PSPC1: variants seen among roughly 807,000 people sequenced by gnomAD.
PSPC1 encodes the protein paraspeckle protein 1.
PSPC1 carries 14 observed loss-of-function variants against 51.6 expected under a neutral mutation model. That is an observed-to-expected ratio of 0.27 (90% CI 0.18 to 0.42). PSPC1 has a LOEUF of 0.42. Ranked by LOEUF, PSPC1 falls within the 10% of genes least tolerant of loss-of-function variation. The pLI, the probability that PSPC1 is intolerant of heterozygous loss-of-function variation, is 1.00. For missense variants in PSPC1, 406 were observed against 701.1 expected, an observed-to-expected ratio of 0.58 and a Z score of 4.75; for synonymous variants, 193 against 231.9, an observed-to-expected ratio of 0.83 and a Z score of 1.53.
At chr13:19,723,602 G>A (rs1037334518) in intron 6 of PSPC1, among the ~76,000 whole-genome samples, 1 of 152,092 alleles carries the variant, frequency 6.6e-6, no homozygotes, top group Non-Finnish European at 1.5e-5. Context: ...AATCTTTGGA[G>A]GAGTGATCAA....
intron 5 of PSPC1, among the ~76,000 whole-genome samples, chr13:19,732,351 T>C (rs1195815394): frequency 1.3e-5 from 2 of 152,124 alleles, no homozygotes; most frequent in Non-Finnish European, 2.9e-5. Flanking sequence ...GAAGATCCAA[T>C]AAAGGTCAAA....
At chr13:19,725,619 AAAAC>A (rs1883285064) in intron 6 of PSPC1, among the ~76,000 whole-genome samples, 1 of 149,610 alleles carries the variant, frequency 6.7e-6, no homozygotes, top group Non-Finnish European at 1.5e-5. Flanking sequence ...AAAACAAAAC[AAAAC>A]AAACAAAAAA....
At chr13:19,709,949 G>A (rs535314668) in intron 6 of PSPC1, among the ~76,000 whole-genome samples, 1 of 151,958 alleles carries the variant, frequency 6.6e-6, no homozygotes, top group South Asian at 2.1e-4. Flanking sequence ...AACCACCAGA[G>A]CCAATTATTT....
intron 7 of PSPC1, among the ~76,000 whole-genome samples, chr13:19,708,547 A>C (rs1268511776): frequency 6.6e-6 from 1 of 152,178 alleles, no homozygotes; most frequent in Non-Finnish European, 1.5e-5. Context: ...TTTACTTGGC[A>C]TTATTTCCCT....
At chr13:19,706,036 TAA>T (rs1239794106) in intron 7 of PSPC1, among the ~76,000 whole-genome samples, 3 of 152,172 alleles carry the variant, frequency 2.0e-5, no homozygotes, top group Non-Finnish European at 4.4e-5. Flanking sequence ...CAAACGTACA[TAA>T]AATCAAGGAG....
intron 6 of PSPC1, among the ~76,000 whole-genome samples, chr13:19,711,809 A>G (rs1881478090): frequency 6.6e-6 from 1 of 151,224 alleles, no homozygotes. Flanking sequence ...GCACTATTGC[A>G]CTCCAGCCTG....
At position 19,777,416 on chromosome 13, in the gene PSPC1, C is replaced by T. The variant is rs1889271880; in HGVS notation, c.373-4873G>A. 3.0e-5 allele frequency among the ~76,000 whole-genome samples: 3 copies of T among 98,674 alleles called. No homozygotes were observed. The South Asian group carries it at 9.6e-4, about 32-fold the overall frequency. The allele number at this position is 98,674 out of a possible 152,430, so 64.7% of individuals were successfully genotyped here. On this transcript the variant is annotated intron_variant, in intron 1 of 8. Transcript: ENST00000338910. ...CTGCACTCCAGCCTGGGCGACACAG[C>T]AAGACCTCAGCTCAAAAAAAAAAAA...
intron 4 of PSPC1, among the ~76,000 whole-genome samples, chr13:19,744,298 C>T (rs999687369): frequency 2.6e-5 from 4 of 152,064 alleles, no homozygotes; most frequent in Admixed American, 2.0e-4. Flanking sequence ...CCTCTCAGAT[C>T]TTATCACCTT....
At chr13:19,754,275 G>T (rs564498569) in intron 3 of PSPC1, among the ~76,000 whole-genome samples, 1 of 151,164 alleles carries the variant, frequency 6.6e-6, no homozygotes, top group Non-Finnish European at 1.5e-5. Context: ...TAGTAGAGAC[G>T]GGGTTTCACC....
intron 7 of PSPC1, chr13:19,675,154 G>A (rs780686473): frequency 6.5e-6 from 1 of 152,790 alleles, no homozygotes; most frequent in Non-Finnish European, 1.5e-5. Context: ...TTGCTTGCCT[G>A]AGCCAGTTCA....
At chr13:19,719,330 C>T (rs919270528) in intron 6 of PSPC1, among the ~76,000 whole-genome samples, 2 of 152,106 alleles carry the variant, frequency 1.3e-5, no homozygotes, top group African/African-American at 4.8e-5. Context: ...TAATCAATTA[C>T]ATTAAAAATA....
intron 6 of PSPC1, among the ~76,000 whole-genome samples, chr13:19,711,645 A>AAG (rs534863225): frequency 0.077 from 11,268 of 146,916 alleles, 421 homozygotes; most frequent in Middle Eastern, 0.11. Context: ...CTCATAAAAA[A>AAG]AAAAAAAAAA....
intron 6 of PSPC1, among the ~76,000 whole-genome samples, chr13:19,725,274 T>C (rs1883242648): frequency 6.6e-6 from 1 of 152,216 alleles, no homozygotes; most frequent in Non-Finnish European, 1.5e-5. Context: ...TTTATAACCA[T>C]GACTACCAAT....
chr13:19,703,595 A>C (rs1880236636), intron 8 of PSPC1, among the ~76,000 whole-genome samples: 1 of 152,190 alleles, frequency 6.6e-6, no homozygotes, highest in Admixed American at 6.5e-5. Context: ...CTATGCCCCA[A>C]TTTAAAGAAC....
chr13:19,676,432 T>G (rs1283620176), intron 7 of PSPC1, among the ~76,000 whole-genome samples: 1 of 152,162 alleles, frequency 6.6e-6, no homozygotes, highest in Non-Finnish European at 1.5e-5. Flanking sequence ...GGGTACAGTA[T>G]GCAAAACAGC....
chr13:19,772,094 C>T (rs76778650), intron 2 of PSPC1, 148 bp downstream of exon 2: 12,702 of 844,634 alleles, frequency 0.015, 129 homozygotes, highest in Non-Finnish European at 0.019. Flanking sequence ...TACCAGTACA[C>T]GAAAATTTCT....
intron 8 of PSPC1, among the ~76,000 whole-genome samples, chr13:19,704,562 A>G (rs547186847): frequency 1.3e-5 from 2 of 152,408 alleles, no homozygotes; most frequent in African/African-American, 4.8e-5. Context: ...TTTCAAAACT[A>G]AACTGCCTTT....
downstream of PSPC1, among the ~76,000 whole-genome samples, chr13:19,701,868 CAT>C (rs1490326891): frequency 7.9e-5 from 12 of 152,270 alleles, 1 homozygote; most frequent in African/African-American, 2.2e-4. Flanking sequence ...TGGTATGAGT[CAT>C]ATATGATTCC....
intron 6 of PSPC1, among the ~76,000 whole-genome samples, chr13:19,727,716 GA>G (rs1254495514): frequency 6.6e-6 from 1 of 152,116 alleles, no homozygotes; most frequent in Non-Finnish European, 1.5e-5. Flanking sequence ...AACCTAATAT[GA>G]AAACAATCAC....
Sources: allele counts gnomAD v4.1 joint callset (sites outside exome capture counted in the v4.1 genomes callset), GRCh38; gene constraint gnomAD v4.1.1; transcripts MANE v1.5; gene names NCBI Gene and HGNC (gene_info 2026-07-23, HGNC 2026-07-21).